RBFOX1: variants seen among roughly 807,000 people sequenced by gnomAD.
RBFOX1 encodes RNA binding protein fox-1 homolog 1.
A neutral mutation model predicts 57.7 loss-of-function variants in RBFOX1; 8 were observed. That is an observed-to-expected ratio of 0.14 (90% confidence interval 0.08 to 0.25). The LOEUF (loss-of-function observed/expected upper bound fraction) is 0.25, where lower values mean the gene tolerates loss of function less well. Ranked by LOEUF, RBFOX1 falls within the 10% of genes least tolerant of loss-of-function variation. RBFOX1 has a pLI of 1.00. For synonymous variants in RBFOX1, 326 were observed against 222.4 expected (o/e 1.47, Z -4.15); for missense variants, 611 against 548.5 (o/e 1.11, Z -1.14).
chr16:5,553,143 G>A (rs1427634349), intron 2 of RBFOX1, among the ~76,000 whole-genome samples: 1 of 152,076 alleles, frequency 6.6e-6, no homozygotes, highest in Admixed American at 6.5e-5. Context: ...GGGGTGACGG[G>A]CTGGGGGAGA....
chr16:6,199,181 T>C (rs973538349), intron 1 of RBFOX1, among the ~76,000 whole-genome samples: 20 of 152,196 alleles, frequency 1.3e-4, no homozygotes, highest in African/African-American at 4.1e-4. Context: ...ACAGATCTCT[T>C]ACTCGGGAGT....
chr16:6,984,881 T>TC (rs2089883706), intron 3 of RBFOX1, among the ~76,000 whole-genome samples: 1 of 152,098 alleles, frequency 6.6e-6, no homozygotes, highest in Admixed American at 6.6e-5. Flanking sequence ...CCTCAGCTGA[T>TC]CCACCTGCCT....
chr16:7,375,022 G>A (rs1330582357), intron 4 of RBFOX1, among the ~76,000 whole-genome samples: 1 of 152,204 alleles, frequency 6.6e-6, no homozygotes, highest in Non-Finnish European at 1.5e-5. Context: ...CTCCGTTTAT[G>A]CCCATCTGGC....
chr16:5,412,850 A>G (rs1405676626), intron 1 of RBFOX1, among the ~76,000 whole-genome samples: 2 of 152,234 alleles, frequency 1.3e-5, no homozygotes, highest in African/African-American at 4.8e-5. Flanking sequence ...GGAAGGATCC[A>G]GGAGTCCTGA....
intron 2 of RBFOX1, among the ~76,000 whole-genome samples, chr16:6,350,676 G>C (rs894043784): frequency 5.3e-5 from 8 of 152,012 alleles, no homozygotes; most frequent in Non-Finnish European, 1.0e-4. Flanking sequence ...CCACCCTCTT[G>C]TGAGTAATTA....
At chr16:6,431,063 A>G (rs528973908) in intron 2 of RBFOX1, among the ~76,000 whole-genome samples, 8 of 151,926 alleles carry the variant, frequency 5.3e-5, no homozygotes, top group African/African-American at 1.9e-4. Flanking sequence ...GCCTGAGCCC[A>G]GGAGTTTGAG....
At chr16:6,607,411 C>A (rs944639304) in intron 2 of RBFOX1, among the ~76,000 whole-genome samples, 2 of 72,092 alleles carry the variant, frequency 2.8e-5, no homozygotes, top group African/African-American at 1.0e-4. Context: ...GTCTTTCAGT[C>A]TCTCTCCTCT....
At chr16:6,899,836 G>T (rs57480851) in intron 3 of RBFOX1, among the ~76,000 whole-genome samples, 2,520 of 152,312 alleles carry the variant, frequency 0.017, 61 homozygotes, top group African/African-American at 0.057. Flanking sequence ...GCAGGCAGGA[G>T]CATTTCGTTA....
intron 3 of RBFOX1, chr16:7,003,863 G>A (rs1056489300): frequency 2.0e-5 from 3 of 152,092 alleles, no homozygotes; most frequent in Non-Finnish European, 2.9e-5. Flanking sequence ...ATGGTTTTCA[G>A]ATGATTGGTT....
At chr16:5,821,297 T>G (rs2055849735) in intron 3 of RBFOX1, among the ~76,000 whole-genome samples, 1 of 123,406 alleles carries the variant, frequency 8.1e-6, no homozygotes, top group African/African-American at 3.3e-5. Flanking sequence ...TCTTTTTTTA[T>G]TTTTTTTTTT....
intron 1 of RBFOX1, among the ~76,000 whole-genome samples, chr16:6,306,012 T>C (rs1381281960): frequency 1.3e-5 from 2 of 152,112 alleles, no homozygotes; most frequent in Non-Finnish European, 2.9e-5. Context: ...GGTTTCTTTC[T>C]AGAATTATTC....
chr16:5,712,107 A>C (rs1374113451), intron 3 of RBFOX1, among the ~76,000 whole-genome samples: 1 of 152,198 alleles, frequency 6.6e-6, no homozygotes, highest in Non-Finnish European at 1.5e-5. Flanking sequence ...AGCCCTGTAT[A>C]AAACCATTAC....
chr16:5,359,983 C>T (rs1383617935), intron 1 of RBFOX1, among the ~76,000 whole-genome samples: 1 of 152,196 alleles, frequency 6.6e-6, no homozygotes, highest in African/African-American at 2.4e-5. Flanking sequence ...AGAGCGAAAA[C>T]AATCCAAAAC....
intron 1 of RBFOX1, among the ~76,000 whole-genome samples, chr16:5,439,461 A>G (rs1224626029): frequency 2.6e-5 from 4 of 152,100 alleles, no homozygotes; most frequent in African/African-American, 7.2e-5. Context: ...AGCACTTCCA[A>G]TGGGAAATGA....
chr16:6,805,236 C>T (rs2086464318), intron 3 of RBFOX1, among the ~76,000 whole-genome samples: 1 of 152,136 alleles, frequency 6.6e-6, no homozygotes, highest in Non-Finnish European at 1.5e-5. Context: ...CTGTCTTTTG[C>T]AGGAACATGG....
In RBFOX1 at chr16:7,591,082, C is replaced by A. The variant is rs554642807; in HGVS notation, c.468+3782C>A. ...TGGGAGAGGCCACTGAGAGTCCGGA[C>A]AGGCAGGCTGATATTGTGAGAAGGC... On this transcript the variant is annotated intron_variant, in intron 7 of 15. Transcript: ENST00000550418. Among the ~76,000 whole-genome samples, 44 of 152,098 alleles carry A rather than the reference C, an allele frequency of 2.9e-4. 1 individual carries two copies. The South Asian group carries it at 8.8e-3, about 30-fold the overall frequency.
At chr16:7,038,320 A>G (rs934894410) in intron 3 of RBFOX1, among the ~76,000 whole-genome samples, 8 of 152,156 alleles carry the variant, frequency 5.3e-5, no homozygotes, top group East Asian at 1.9e-4. Context: ...AAGGAGGGCA[A>G]TTATAACCCT....
intron 1 of RBFOX1, chr16:5,270,828 C>T (rs143599787): frequency 6.9e-6 from 3 of 434,944 alleles, no homozygotes; most frequent in Non-Finnish European, 8.7e-6. Context: ...GCTGGAGAAC[C>T]CTTGGTTTGA....
chr16:5,378,188 G>C (rs752321987), intron 1 of RBFOX1, among the ~76,000 whole-genome samples: 1 of 151,648 alleles, frequency 6.6e-6, no homozygotes. Flanking sequence ...TTCAGCAACA[G>C]CTTCTCCTTG....
Sources: gnomAD v4.1 joint callset for allele counts (sites outside exome capture counted in the v4.1 genomes callset) on GRCh38, gnomAD v4.1.1 for gene constraint, MANE v1.5 for transcripts, NCBI Gene and HGNC (gene_info 2026-07-23, HGNC 2026-07-21) for gene names.